ABCA4: variants seen among roughly 807,000 people sequenced by gnomAD.
ABCA4 encodes ATP binding cassette subfamily A member 4.
Under a neutral mutation model 263.7 loss-of-function variants are expected in ABCA4, and 196 were observed. The observed-to-expected ratio is 0.74, with a 90% CI of 0.66 to 0.84. The LOEUF (loss-of-function observed/expected upper bound fraction) is 0.84, where lower values mean the gene tolerates loss of function less well. Ranked by LOEUF, ABCA4 falls within the 40% of genes least tolerant of loss-of-function variation. ABCA4 has a pLI of 0.00. For synonymous variants in ABCA4, 1,133 were observed against 1,094.2 expected (o/e 1.04, Z -0.70); for missense variants, 2,792 against 2,855.1 (o/e 0.98, Z 0.50).
rs1030524768 is a variant in ABCA4 at position 94,099,262 on chromosome 1, C to T, written c.571-271G>A. ...GTGATGTGAGAAAGACTTGATAAGCCCCCACTGGCCTTGGAGATGGAAGCA... is the reference window on the plus strand; with the variant it reads ...GTGATGTGAGAAAGACTTGATAAGCTCCCACTGGCCTTGGAGATGGAAGCA... On this transcript the variant is annotated intron_variant, in intron 5 of 49. Coordinates refer to ENST00000370225, the MANE Select transcript of ABCA4 (RefSeq NM_000350.3). Among the ~76,000 whole-genome samples the T allele has an allele frequency of 7.9e-5, 12 of 152,018 alleles. 1 individual carries two copies. The highest frequency in any genetic ancestry group is 7.9e-4 in the Admixed American group (12 of 15,250).
intron 4 of ABCA4, among the ~76,000 whole-genome samples, chr1:94,107,715 T>C (rs1662478973): frequency 6.6e-6 from 1 of 152,186 alleles, no homozygotes; most frequent in Admixed American, 6.5e-5. Flanking sequence ...CCCCTCACCA[T>C]GCACCTGCAC....
intron 7 of ABCA4, 81 bp downstream of exon 7, chr1:94,083,271 A>G (rs562818259): frequency 8.1e-7 from 1 of 1,232,640 alleles, no homozygotes. Flanking sequence ...GGTTTGAAAT[A>G]CAATTAAATT....
At chr1:94,119,222 T>A (rs769238062) in intron 1 of ABCA4, among the ~76,000 whole-genome samples, 5 of 152,158 alleles carry the variant, frequency 3.3e-5, no homozygotes, top group Non-Finnish European at 7.4e-5. Flanking sequence ...GGGAAGCTCC[T>A]AGAAGAAAGG....
chr1:94,108,268 C>T (rs888573946), intron 4 of ABCA4, among the ~76,000 whole-genome samples: 21 of 152,160 alleles, frequency 1.4e-4, no homozygotes, highest in Non-Finnish European at 2.6e-4. Flanking sequence ...TCTGTAAACT[C>T]GTCTCCCCTG....
intron 38 of ABCA4, 58 bp from the exon 39 acceptor site, chr1:94,011,443 A>T (rs1042476387): frequency 1.3e-4 from 214 of 1,610,654 alleles, no homozygotes; most frequent in Non-Finnish European, 1.7e-4. Context: ...CCCTCTCTTC[A>T]GCAGGTGGGG....
chr1:93,993,171 A>G lies in ABCA4; in HGVS notation c.*66T>C, dbSNP rs1255461204. On this transcript the variant is annotated 3_prime_UTR_variant, in exon 50 of 50. Coordinates refer to ENST00000370225, the MANE Select transcript of ABCA4 (RefSeq NM_000350.3). ...AGTCCATTTGGATGACCATATGGGCACAGGCTCCTGCGCCTCCAGCTGCCC... is the reference window on the plus strand; with the variant it reads ...AGTCCATTTGGATGACCATATGGGCGCAGGCTCCTGCGCCTCCAGCTGCCC... 26 of 1,610,700 alleles carry G rather than the reference A, an allele frequency of 1.6e-5. No individual in the cohort carries two copies. Among genetic ancestry groups the G allele is most frequent in the Non-Finnish European group, 2.0e-5 (24 of 1,177,598 alleles).
At chr1:94,063,626 A>C (rs1325337157) in intron 11 of ABCA4, among the ~76,000 whole-genome samples, 2 of 152,212 alleles carry the variant, frequency 1.3e-5, no homozygotes, top group East Asian at 3.9e-4. Flanking sequence ...AAAATACTCC[A>C]GGCTTTTACT....
chr1:94,044,234 GA>G (rs35970228), intron 20 of ABCA4, among the ~76,000 whole-genome samples: 3 of 152,094 alleles, frequency 2.0e-5, no homozygotes, highest in African/African-American at 7.2e-5. Flanking sequence ...AAAGCCCCCT[GA>G]AAAGTTTGCC....
intron 40 of ABCA4, among the ~76,000 whole-genome samples, chr1:94,010,148 G>T (rs1659506553): frequency 6.6e-6 from 1 of 152,218 alleles, no homozygotes; most frequent in Admixed American, 6.5e-5. Flanking sequence ...GCTAGGAAGG[G>T]CTGCTGCTTG....
chr1:94,114,470 T>C (rs1662694112), intron 1 of ABCA4, among the ~76,000 whole-genome samples: 2 of 150,814 alleles, frequency 1.3e-5, no homozygotes, highest in South Asian at 2.1e-4. Context: ...AAGAAAAGAA[T>C]AGACTCTCCG....
chr1:94,039,970 C>A (rs1455953999), intron 24 of ABCA4, 73 bp downstream of exon 24: 1 of 1,314,878 alleles, frequency 7.6e-7, no homozygotes, highest in Admixed American at 2.0e-5. Flanking sequence ...AAATGCATCA[C>A]AACAGGACAC....
At chr1:94,093,275 C>G (rs1396701475) in intron 6 of ABCA4, among the ~76,000 whole-genome samples, 1 of 152,154 alleles carries the variant, frequency 6.6e-6, no homozygotes, top group Non-Finnish European at 1.5e-5. Context: ...GGCTATTAAC[C>G]TGGGGTCTGG....
At chr1:94,069,161 A>G (rs1464826978) in intron 11 of ABCA4, among the ~76,000 whole-genome samples, 2 of 152,258 alleles carry the variant, frequency 1.3e-5, no homozygotes, top group East Asian at 3.8e-4. Flanking sequence ...TCATTTGTTT[A>G]CACAGCTAAA....
chr1:94,113,687 T>C (rs1662671468), intron 1 of ABCA4, among the ~76,000 whole-genome samples: 1 of 151,650 alleles, frequency 6.6e-6, no homozygotes, highest in South Asian at 2.1e-4. Flanking sequence ...ATGACTGTGA[T>C]CCATTGCAAA....
At chr1:94,018,530 CTGAG>C in intron 36 of ABCA4, 1 of 454,752 alleles carries the variant, frequency 2.2e-6, no homozygotes, top group Non-Finnish European at 4.4e-6. Context: ...GCTTACTAAG[CTGAG>C]TAAGATAGAA....
chr1:94,014,646 T>A lies in ABCA4; in HGVS notation c.5357A>T (p.Asp1786Val). 6.2e-7 allele frequency: 1 copy of A among 1,614,160 alleles called. No homozygotes were observed. Among genetic ancestry groups the A allele is most frequent in the Non-Finnish European group, 8.5e-7 (1 of 1,180,022 alleles). The change falls in exon 38 of 50, where the codon GAT becomes GTT. Residue 1786 changes from aspartate to valine, a missense_variant. Physicochemically the swap from Asp to Val is radical, Grantham distance 152 (BLOSUM62 -3). Coordinates refer to ENST00000370225, the MANE Select transcript of ABCA4 (RefSeq NM_000350.3). ...PMMYPASFLF[D>V]VPSTAYVALS... is the part of the protein sequence containing the mutation. ...AGCCACATAGGCTGTGCTGGGGACA[T>A]CAAACAGGAAGGATGCTGGGTACAT...
intron 7 of ABCA4, 129 bp from the exon 8 acceptor site, chr1:94,080,847 C>T: frequency 7.2e-7 from 1 of 1,391,234 alleles, no homozygotes; most frequent in Non-Finnish European, 1.0e-6. Context: ...CTCAGCAATC[C>T]TTAATCCAGC....
intron 8 of ABCA4, among the ~76,000 whole-genome samples, chr1:94,079,795 C>G (rs1049220235): frequency 1.3e-5 from 2 of 152,170 alleles, no homozygotes; most frequent in Admixed American, 6.5e-5. Flanking sequence ...AGAGGCCAAA[C>G]AAGGCCCCCG....
At chr1:94,043,649 A>C (rs1660583025) in intron 20 of ABCA4, among the ~76,000 whole-genome samples, 174 bp from the exon 21 acceptor site, 1 of 152,216 alleles carries the variant, frequency 6.6e-6, no homozygotes, top group Admixed American at 6.5e-5. Flanking sequence ...ATCTAATAAG[A>C]GGATGGCTTA....
Sources: gnomAD v4.1 joint callset for allele counts (sites outside exome capture counted in the v4.1 genomes callset) on GRCh38, gnomAD v4.1.1 for gene constraint, MANE v1.5 for transcripts, NCBI Gene and HGNC (gene_info 2026-07-23, HGNC 2026-07-21) for gene names.